The following GRM1 variants were observed in gnomAD, a reference collection of about 807,000 sequenced individuals.
GRM1 encodes the protein glutamate metabotropic receptor 1.
In GRM1, 33 loss-of-function variants were observed where a neutral mutation model predicts 90.9. That is an observed-to-expected ratio of 0.36 (90% confidence interval 0.28 to 0.49). GRM1 has a LOEUF of 0.49. GRM1 is among the 20% of genes least tolerant of loss of function. GRM1 has a pLI of 0.99. For missense variants in GRM1, 1,190 were observed against 1,534.3 expected, an observed-to-expected ratio of 0.78 and a Z score of 3.75; for synonymous variants, 700 against 613.2, an observed-to-expected ratio of 1.14 and a Z score of -2.09.
At chr6:146,348,891 G>A (rs1785275765) in intron 3 of GRM1, among the ~76,000 whole-genome samples, 1 of 152,206 alleles carries the variant, frequency 6.6e-6, no homozygotes, top group Non-Finnish European at 1.5e-5. Context: ...AGTGTGACAG[G>A]AAGAACAAGG....
intron 1 of GRM1, among the ~76,000 whole-genome samples, chr6:146,064,867 C>T (rs1446858811): frequency 6.6e-6 from 1 of 151,222 alleles, no homozygotes; most frequent in African/African-American, 2.4e-5. Flanking sequence ...CTAATAGTTA[C>T]AGAATTTTTT....
chr6:146,099,564 G>A (rs1776981463), intron 1 of GRM1, among the ~76,000 whole-genome samples: 1 of 152,124 alleles, frequency 6.6e-6, no homozygotes, highest in South Asian at 2.1e-4. Flanking sequence ...TGGCTTTATA[G>A]TGTTAATGTC....
intron 2 of GRM1, among the ~76,000 whole-genome samples, chr6:146,247,152 C>G (rs1781088519): frequency 6.6e-6 from 1 of 152,170 alleles, no homozygotes; most frequent in African/African-American, 2.4e-5. Context: ...CCTCAGTAGG[C>G]AGCCGTGTTT....
intron 1 of GRM1, among the ~76,000 whole-genome samples, chr6:146,082,551 C>CTAA (rs1423887110): frequency 6.6e-6 from 1 of 152,086 alleles, no homozygotes; most frequent in African/African-American, 2.4e-5. Flanking sequence ...TTATCTTTAA[C>CTAA]CCCTTCCTTT....
At chr6:146,151,387 C>T (rs1437076137) in intron 1 of GRM1, among the ~76,000 whole-genome samples, 1 of 152,158 alleles carries the variant, frequency 6.6e-6, no homozygotes, top group Non-Finnish European at 1.5e-5. Flanking sequence ...TTTGAAGATG[C>T]ACTGACAGGA....
chr6:146,138,219 A>T (rs1254867404), intron 1 of GRM1, among the ~76,000 whole-genome samples: 1 of 152,042 alleles, frequency 6.6e-6, no homozygotes, highest in African/African-American at 2.4e-5. Flanking sequence ...GCAAGTGGGC[A>T]TCCGTGTTGT....
At chr6:146,417,088 T>C (rs1777813362) in intron 7 of GRM1, among the ~76,000 whole-genome samples, 1 of 152,178 alleles carries the variant, frequency 6.6e-6, no homozygotes, top group Non-Finnish European at 1.5e-5. Flanking sequence ...TTTCCTTGCT[T>C]CTTTGCCTCT....
At chr6:146,254,551 G>A (rs1043126221) in intron 2 of GRM1, among the ~76,000 whole-genome samples, 18 of 152,080 alleles carry the variant, frequency 1.2e-4, no homozygotes, top group African/African-American at 2.4e-5. Context: ...TCATGACCTA[G>A]GAGTCACATA....
intron 4 of GRM1, among the ~76,000 whole-genome samples, chr6:146,354,346 T>TG (rs1372772635): frequency 6.9e-6 from 1 of 144,286 alleles, no homozygotes; most frequent in Non-Finnish European, 1.6e-5. Flanking sequence ...CTAGGCTCAA[T>TG]AAGGGTCAGA....
chr6:146,089,377 G>T (rs1776644285), intron 1 of GRM1, among the ~76,000 whole-genome samples: 1 of 152,078 alleles, frequency 6.6e-6, no homozygotes, highest in African/African-American at 2.4e-5. Flanking sequence ...AATACAGCCT[G>T]GATGAGACCT....
chr6:146,164,984 C>T (rs1407916870), intron 2 of GRM1, among the ~76,000 whole-genome samples: 1 of 151,520 alleles, frequency 6.6e-6, no homozygotes, highest in Non-Finnish European at 1.5e-5. Context: ...CTACTGTGTG[C>T]TGTTTTATCT....
intron 3 of GRM1, among the ~76,000 whole-genome samples, chr6:146,335,050 C>T (rs1323483566): frequency 6.6e-6 from 1 of 152,066 alleles, no homozygotes; most frequent in African/African-American, 2.4e-5. Flanking sequence ...ATATGACTGT[C>T]CAGTTGCAGG....
chr6:146,311,101 A>T (rs1159492575), intron 3 of GRM1, among the ~76,000 whole-genome samples: 1 of 152,190 alleles, frequency 6.6e-6, no homozygotes, highest in Non-Finnish European at 1.5e-5. Flanking sequence ...GTCTTTTCCC[A>T]TCATAAGAAG....
intron 2 of GRM1, among the ~76,000 whole-genome samples, chr6:146,283,778 A>G (rs1434823894): frequency 6.6e-6 from 1 of 152,160 alleles, no homozygotes; most frequent in Admixed American, 6.5e-5. Flanking sequence ...AGGTCACAGA[A>G]CTGGACAGTG....
intron 3 of GRM1, among the ~76,000 whole-genome samples, chr6:146,326,876 A>G (rs991778622): frequency 6.6e-6 from 1 of 152,232 alleles, no homozygotes; most frequent in Non-Finnish European, 1.5e-5. Flanking sequence ...TTGAGTGAAC[A>G]GAAAATAAGA....
chr6:146,181,171 T>C (rs1009010288), intron 2 of GRM1, among the ~76,000 whole-genome samples: 5 of 151,980 alleles, frequency 3.3e-5, no homozygotes, highest in African/African-American at 1.2e-4. Context: ...AAGAGACTGC[T>C]GTGAATACGA....
At chr6:146,330,207 T>C (rs773413678) in intron 3 of GRM1, among the ~76,000 whole-genome samples, 4 of 152,166 alleles carry the variant, frequency 2.6e-5, no homozygotes, top group Non-Finnish European at 4.4e-5. Flanking sequence ...GAGGGAAACA[T>C]AGTGAAGATT....
intron 3 of GRM1, among the ~76,000 whole-genome samples, chr6:146,344,871 G>T (rs1299276317): frequency 6.6e-6 from 1 of 152,022 alleles, no homozygotes; most frequent in African/African-American, 2.4e-5. Flanking sequence ...GAGTGCAATG[G>T]CATGATCTCG....
chr6:146,176,895 T>C (rs1778358299), intron 2 of GRM1, among the ~76,000 whole-genome samples: 1 of 152,084 alleles, frequency 6.6e-6, no homozygotes, highest in African/African-American at 2.4e-5. Flanking sequence ...AGAACTTGAG[T>C]AAGTTACTTA....
Sources: gnomAD v4.1 joint callset for allele counts (sites outside exome capture counted in the v4.1 genomes callset) on GRCh38, gnomAD v4.1.1 for gene constraint, MANE v1.5 for transcripts, NCBI Gene and HGNC (gene_info 2026-07-23, HGNC 2026-07-21) for gene names.